Variants in COL18A1 observed in about 807,000 individuals in gnomAD.
COL18A1 encodes collagen type XVIII alpha 1 chain, also known as collagen alpha-1(XVIII) chain.
A neutral mutation model predicts 168.0 loss-of-function variants in COL18A1; 133 were observed. The ratio of observed to expected loss-of-function variants is 0.79; its 90% CI spans 0.69 to 0.91. The LOEUF is 0.91. Among genes scored for constraint, COL18A1 ranks in the 40% least tolerant of loss-of-function variants. The pLI, the probability that COL18A1 is intolerant of heterozygous loss-of-function variation, is 0.00. For synonymous variants in COL18A1, 949 were observed against 809.0 expected, an observed-to-expected ratio of 1.17 and a Z score of -2.94; for missense variants, 2,126 against 1,925.4, an observed-to-expected ratio of 1.10 and a Z score of -1.95.
At position 45,456,259 on chromosome 21, in the gene COL18A1, C is replaced by T. The variant is rs2236452; in HGVS notation, c.107-11983C>T. On this transcript the variant is annotated intron_variant, in intron 2 of 41. Transcript: ENST00000651438. ...ACCCAGACAGCCAAGGACTCTCGCC[C>T]GCCGCAGCCGCTCCCAGCCAGCAGC... 0.2 allele frequency: 319,291 copies of T among 1,582,238 alleles called. 32,585 individuals are homozygous for T. Among genetic ancestry groups the T allele is most frequent in the African/African-American group, 0.26 (19,106 of 74,080 alleles).
intron 2 of COL18A1, among the ~76,000 whole-genome samples, chr21:45,459,683 T>C (rs1313145743): frequency 6.6e-6 from 1 of 152,178 alleles, no homozygotes; most frequent in African/African-American, 2.4e-5. Flanking sequence ...GGCTTGTCCC[T>C]CAGGTCCACG....
chr21:45,503,915 G>T, intron 32 of COL18A1, 96 bp from the exon 33 acceptor site: 2 of 1,277,664 alleles, frequency 1.6e-6, no homozygotes, highest in Non-Finnish European at 2.3e-6. Flanking sequence ...TGGCTAGAAG[G>T]GCCTCAGGCA....
intron 33 of COL18A1, 162 bp downstream of exon 33, chr21:45,504,216 C>A (rs2037043488): frequency 2.1e-6 from 2 of 945,630 alleles, no homozygotes; most frequent in Non-Finnish European, 3.3e-6. Flanking sequence ...TCAGGATGTT[C>A]CTGTCCCCGG....
rs111264064 is a variant in COL18A1 at position 45,453,039 on chromosome 21, C to T, written c.107-15203C>T. Among the ~76,000 whole-genome samples, 215 of 151,446 alleles carry T rather than the reference C, an allele frequency of 1.4e-3. 1 individual carries two copies. Among genetic ancestry groups the T allele is most frequent in the African/African-American group, 5.1e-3 (212 of 41,196 alleles). Reference sequence around the variant, plus strand: ...TGTGATTGCGAGTATTCATGTGTGACATGTAAGCATGTATGTACATGTGTG... The same window carrying T: ...TGTGATTGCGAGTATTCATGTGTGATATGTAAGCATGTATGTACATGTGTG... On this transcript the variant is annotated intron_variant, in intron 2 of 41. Transcript: ENST00000651438.
Position 45,442,538 on chromosome 21 carries a change from C to T in COL18A1, c.107-25704C>T, listed in dbSNP as rs1302444133. Among the ~76,000 whole-genome samples, 11 of 152,378 alleles carry T rather than the reference C, an allele frequency of 7.2e-5. 1 individual carries two copies. The highest frequency in any genetic ancestry group is 4.1e-4 in the South Asian group (2 of 4,830). On this transcript the variant is annotated intron_variant, in intron 2 of 41. Transcript: ENST00000651438. ...CTCTGTCGCCGGGTAGTAGCAGGGC[C>T]GGACCCCTTCGGATGAGCACGCCCA...
At chr21:45,440,991 C>T (rs60375909) in intron 2 of COL18A1, among the ~76,000 whole-genome samples, 19,522 of 152,238 alleles carry the variant, frequency 0.13, 1,454 homozygotes, top group East Asian at 0.2. Context: ...CAGCAGTTCT[C>T]TCGCTGTGCC....
chr21:45,496,623 C>A (rs1456843716), intron 30 of COL18A1, 55 bp downstream of exon 30: 3 of 865,370 alleles, frequency 3.5e-6, no homozygotes, highest in Non-Finnish European at 4.0e-6. Flanking sequence ...TCACACAGAG[C>A]CCCACAGAGG....
chr21:45,421,320 G>A (rs761776510), intron 2 of COL18A1: 7 of 472,366 alleles, frequency 1.5e-5, no homozygotes, highest in Admixed American at 4.5e-5. Flanking sequence ...CCACGGTCAC[G>A]CTTGCACGGG....
intron 2 of COL18A1, among the ~76,000 whole-genome samples, chr21:45,439,037 G>A (rs1172081116): frequency 5.3e-5 from 8 of 152,232 alleles, no homozygotes; most frequent in Non-Finnish European, 1.2e-4. Flanking sequence ...AAGAAAGGCT[G>A]TCGGAGGTGC....
intron 2 of COL18A1, among the ~76,000 whole-genome samples, chr21:45,444,866 A>G (rs557141372): frequency 2.6e-5 from 4 of 152,184 alleles, no homozygotes; most frequent in African/African-American, 4.8e-5. Flanking sequence ...CATCAAATAC[A>G]TGAAAAAAAT....
chr21:45,501,672 C>T (rs554131539), intron 32 of COL18A1, among the ~76,000 whole-genome samples: 20 of 150,800 alleles, frequency 1.3e-4, no homozygotes, highest in Admixed American at 3.3e-4. Context: ...CGGTCACCTC[C>T]CTCTGCAGAA....
In COL18A1 at chr21:45,473,832, A is replaced by G; in HGVS notation, c.652-63A>G. On this transcript the variant is annotated intron_variant, in intron 3 of 41. Coordinates refer to ENST00000651438, the MANE Select transcript of COL18A1 (RefSeq NM_001379500.1). This position sits in a 1 kb window ranked among gnomAD's most constrained non-coding sequence, Gnocchi z 4.0. ...GCCCCCCGAAATCTGGAGCTCAAGC[A>G]GCACCGGGGTTGCCACTGCCACCTC... 1 of 1,351,342 alleles carries G rather than the reference A, an allele frequency of 7.4e-7. No homozygotes were observed. The highest frequency in any genetic ancestry group is 1.0e-6 in the Non-Finnish European group (1 of 966,184). The allele number at this position is 1,351,342 out of a possible 1,614,324, so 83.7% of individuals were successfully genotyped here.
chr21:45,462,880 C>G (rs2035090058), intron 2 of COL18A1, among the ~76,000 whole-genome samples: 1 of 152,212 alleles, frequency 6.6e-6, no homozygotes, highest in Admixed American at 6.5e-5. Context: ...TTGCCCTTCA[C>G]CAGCGTTCGC....
chr21:45,461,634 C>T (rs916660036), intron 2 of COL18A1, among the ~76,000 whole-genome samples: 4 of 152,230 alleles, frequency 2.6e-5, no homozygotes, highest in African/African-American at 9.6e-5. Context: ...GGCACACACG[C>T]ATATTTGTCC....
At chr21:45,442,692 G>A (rs1466499748) in intron 2 of COL18A1, among the ~76,000 whole-genome samples, 1 of 120,812 alleles carries the variant, frequency 8.3e-6, no homozygotes, top group Non-Finnish European at 1.7e-5. Flanking sequence ...CGGTGGTGGT[G>A]CTGGTGTGGG....
At chr21:45,503,484 T>C (rs2036976794) in intron 32 of COL18A1, among the ~76,000 whole-genome samples, 3 of 151,978 alleles carry the variant, frequency 2.0e-5, no homozygotes, top group African/African-American at 7.2e-5. Flanking sequence ...ATGTCCTTTG[T>C]AGGGACATGG....
intron 2 of COL18A1, among the ~76,000 whole-genome samples, chr21:45,438,027 C>G (rs1485658557): frequency 1.6e-5 from 2 of 125,860 alleles, no homozygotes; most frequent in Admixed American, 7.8e-5. Context: ...CTCACTCACA[C>G]ACAGACACAC....
At chr21:45,465,943 G>A (rs759910328) in intron 2 of COL18A1, among the ~76,000 whole-genome samples, 9 of 152,182 alleles carry the variant, frequency 5.9e-5, no homozygotes, top group Non-Finnish European at 1.2e-4. Flanking sequence ...CCACTCCCCC[G>A]TGGGTGAACG....
At chr21:45,476,211 G>A (rs1035184651) in intron 5 of COL18A1, 140 bp from the exon 6 acceptor site, 14 of 1,280,228 alleles carry the variant, frequency 1.1e-5, no homozygotes, top group African/African-American at 1.5e-5. Flanking sequence ...CCTCGCGCAC[G>A]GCCCTGGAGC....
Sources: allele counts gnomAD v4.1 joint callset (sites outside exome capture counted in the v4.1 genomes callset), GRCh38; gene constraint gnomAD v4.1.1; non-coding constraint Gnocchi (gnomAD v3.1); transcripts MANE v1.5; gene names NCBI Gene and HGNC (gene_info 2026-07-23, HGNC 2026-07-21).